FGF17: variants seen among roughly 807,000 people sequenced by gnomAD.
FGF17 encodes the protein fibroblast growth factor 17.
In FGF17, 5 loss-of-function variants were observed where a neutral mutation model predicts 23.5. The ratio of observed to expected loss-of-function variants is 0.21; its 90% CI spans 0.11 to 0.45. The LOEUF (loss-of-function observed/expected upper bound fraction) is 0.45. FGF17 is among the 20% of genes least tolerant of loss of function. FGF17 has a pLI of 0.99. For synonymous variants in FGF17, 136 were observed against 123.0 expected (o/e 1.11, Z -0.70); for missense variants, 221 against 306.9 (o/e 0.72, Z 2.09).
At chr8:22,042,449 G>C (rs1800753616), upstream of FGF17, 1 of 186,456 alleles carries the variant, frequency 5.4e-6, no homozygotes, top group Non-Finnish European at 1.1e-5. Context: ...TGGGGAGGTG[G>C]GGCGCCAGAC....
chr8:22,046,851 G>A (rs1328006159), intron 4 of FGF17, among the ~76,000 whole-genome samples: 2 of 152,094 alleles, frequency 1.3e-5, no homozygotes, highest in African/African-American at 4.8e-5. Context: ...CACAATCATA[G>A]CCCACTGCAG....
At chr8:22,044,369 C>T (rs1285307466) in intron 2 of FGF17, among the ~76,000 whole-genome samples, 1 of 152,038 alleles carries the variant, frequency 6.6e-6, no homozygotes, top group African/African-American at 2.4e-5. Context: ...GAGGTCCTCC[C>T]GCAGCGGGAA....
chr8:22,044,167 A>G (rs1800803483), intron 2 of FGF17, among the ~76,000 whole-genome samples: 1 of 152,020 alleles, frequency 6.6e-6, no homozygotes, highest in Admixed American at 6.5e-5. Flanking sequence ...GAGGGGAACT[A>G]GCACAATGGT....
At chr8:22,047,288 G>T (rs1439908843) in intron 4 of FGF17, among the ~76,000 whole-genome samples, 2 of 152,104 alleles carry the variant, frequency 1.3e-5, no homozygotes, top group Non-Finnish European at 2.9e-5. Flanking sequence ...ATGTAAGACA[G>T]GAACTCCCCC....
intron 4 of FGF17, among the ~76,000 whole-genome samples, chr8:22,047,601 C>T (rs1417088231): frequency 6.6e-6 from 1 of 152,224 alleles, no homozygotes; most frequent in Admixed American, 6.5e-5. Flanking sequence ...TGCCTCCTCT[C>T]CCATGCCCAG....
intron 2 of FGF17, chr8:22,044,628 G>A: frequency 3.1e-6 from 3 of 967,338 alleles, no homozygotes; most frequent in Non-Finnish European, 3.7e-6. Flanking sequence ...CTGGAAGGGA[G>A]GCCAGCGTGG....
intron 1 of FGF17, 64 bp downstream of exon 1, chr8:22,043,027 C>T (rs1800767119): frequency 6.2e-7 from 1 of 1,602,584 alleles, no homozygotes; most frequent in Non-Finnish European, 8.5e-7. Flanking sequence ...CAGCCCTCCT[C>T]TTCCCGGGAC....
At chr8:22,041,637 G>A (rs1272677572), upstream of FGF17, among the ~76,000 whole-genome samples, 1 of 152,164 alleles carries the variant, frequency 6.6e-6, no homozygotes, top group Admixed American at 6.5e-5. Flanking sequence ...GAAAACCCAG[G>A]AAGGCTTCTG....
chr8:22,044,400 T>C (rs1459536439), intron 2 of FGF17, among the ~76,000 whole-genome samples: 2 of 149,164 alleles, frequency 1.3e-5, no homozygotes, highest in East Asian at 2.0e-4. Context: ...ACAGGCTAGG[T>C]CCCGCGGGGA....
At position 22,048,553 on chromosome 8, in the gene FGF17, A is replaced by G; in HGVS notation, c.*304A>G. On this transcript the variant is annotated 3_prime_UTR_variant, in exon 5 of 5. Coordinates refer to ENST00000359441, the MANE Select transcript of FGF17 (RefSeq NM_003867.4). The surrounding 1 kb of genome is among the most constrained non-coding windows in gnomAD (Gnocchi z 6.9). ...CCTGAAGCCCGCTGAAAGGTCAGCG[A>G]CTGAAGGCCTTGCAGACAACCGTCT... 1 of 436,066 alleles carries G rather than the reference A, an allele frequency of 2.3e-6. No homozygotes were observed. 27.0% of individuals were successfully genotyped at this position (436,066 alleles called of 1,614,324 possible). A position where few individuals can be genotyped will look rare whatever the true frequency, so the allele number is the denominator to read the frequency against.
In FGF17 at chr8:22,048,705, GGAGA is replaced by G. The variant is rs1246338330; in HGVS notation, c.*462_*465del. Reference sequence around the variant, plus strand: ...TTGTTTGTTTCAGGAAAAAAGAAAGGGAGAGAGAGGAAAATAGAGGGTTGTCCAC... The same window carrying G: ...TTGTTTGTTTCAGGAAAAAAGAAAGGGAGAGGAAAATAGAGGGTTGTCCAC... On this transcript the variant is annotated 3_prime_UTR_variant, in exon 5 of 5. Transcript: ENST00000359441. This position sits in a 1 kb window ranked among gnomAD's most constrained non-coding sequence, Gnocchi z 6.9. 13 of 173,452 alleles carry G rather than the reference GGAGA, an allele frequency of 7.5e-5. No individual in the cohort carries two copies. Among genetic ancestry groups the G allele is most frequent in the Non-Finnish European group, 1.2e-5 (1 of 82,210 alleles). 10.7% of individuals were successfully genotyped at this position (173,452 alleles called of 1,614,324 possible). A position where few individuals can be genotyped will look rare whatever the true frequency, so the allele number is the denominator to read the frequency against.
chr8:22,047,875 CGTCCAAAATAG>C (rs1554528442), intron 4 of FGF17, 70 bp from the exon 5 acceptor site: 2 of 1,408,684 alleles, frequency 1.4e-6, no homozygotes, highest in Non-Finnish European at 1.9e-6. Flanking sequence ...CCTCCTCAGT[CGTCCAAAATAG>C]GCCGTAAGGG....
In FGF17 at chr8:22,043,620, G is replaced by A. The variant is rs917807665; in HGVS notation, c.72+439G>A. Among the ~76,000 whole-genome samples, 6 of 152,096 alleles carry A rather than the reference G, an allele frequency of 3.9e-5. 1 individual carries two copies. The highest frequency in any genetic ancestry group is 3.9e-4 in the Admixed American group (6 of 15,280). On this transcript the variant is annotated intron_variant, in intron 2 of 4. Coordinates refer to ENST00000359441, the MANE Select transcript of FGF17 (RefSeq NM_003867.4). ...TATGGATGCCTGGGGTGGGGGTCTC[G>A]TGAGCATGTCCAGAATGCCTGGCCA...
chr8:22,040,908 A>G (rs1800727032), upstream of FGF17, among the ~76,000 whole-genome samples: 3 of 152,114 alleles, frequency 2.0e-5, no homozygotes, highest in African/African-American at 7.2e-5. Flanking sequence ...TGTAACCCAG[A>G]CTGCAGATGA....
rs2129650026 is a variant in FGF17 at position 22,042,978 on chromosome 8, T to A, written c.35+15T>A. On this transcript the variant is annotated intron_variant, in intron 1 of 4. Coordinates refer to ENST00000359441, the MANE Select transcript of FGF17 (RefSeq NM_003867.4). Reference sequence around the variant, plus strand: ...AACCTCACTCTGTAAGTGTGCTACCTCTCCCACTGGAGTTTCGTTGCCATT... The same window carrying A: ...AACCTCACTCTGTAAGTGTGCTACCACTCCCACTGGAGTTTCGTTGCCATT... 5 of 1,612,354 alleles carry A rather than the reference T, an allele frequency of 3.1e-6. No individual in the cohort carries two copies. Among genetic ancestry groups the A allele is most frequent in the Middle Eastern group, 1.7e-4 (1 of 6,056 alleles).
chr8:22,043,075 CG>C, intron 1 of FGF17, 69 bp from the exon 2 acceptor site: 1 of 1,596,904 alleles, frequency 6.3e-7, no homozygotes, highest in South Asian at 1.1e-5. Flanking sequence ...AGGGCGGGGG[CG>C]GGGGCCTGGG....
chr8:22,048,128 G>T lies in FGF17; in HGVS notation c.530G>T (p.Arg177Leu), dbSNP rs398123025. The T allele has an allele frequency of 6.2e-7, 1 of 1,613,442 alleles. No homozygotes were observed. The highest frequency in any genetic ancestry group is 1.7e-5 in the Admixed American group (1 of 60,004). Residue 177 changes from arginine to leucine, a missense_variant, in exon 5 of 5, where the codon CGC becomes CTC. Around this residue, in one of 3 missense-constraint regions of FGF17, gnomAD observed 128 missense variants for 150.4 expected, o/e 0.85. Coordinates refer to ENST00000359441, the MANE Select transcript of FGF17 (RefSeq NM_003867.4). The surrounding 1 kb of genome is among the most constrained non-coding windows in gnomAD (Gnocchi z 6.9). Reference protein sequence around the residue: ...QNQREAHFIKRLYQGQLPFPN... With the variant: ...QNQREAHFIKLLYQGQLPFPN... The stretch of plus-strand genomic sequence containing the variant: ...CAGCGCGAGGCCCACTTCATCAAGC[G>T]CCTCTACCAAGGCCAGCTGCCCTTC...
intron 2 of FGF17, chr8:22,045,032 C>T: frequency 2.0e-6 from 2 of 985,598 alleles, no homozygotes; most frequent in Non-Finnish European, 2.4e-6. Context: ...CATTCTCATG[C>T]TAGAGCTGAG....
chr8:22,045,240 G>A (rs376011614), intron 2 of FGF17: 28 of 985,610 alleles, frequency 2.8e-5, no homozygotes, highest in East Asian at 1.1e-4. Context: ...GCAGGTGGGC[G>A]GGCGCATCCC....
Sources: allele counts gnomAD v4.1 joint callset (sites outside exome capture counted in the v4.1 genomes callset), GRCh38; gene constraint gnomAD v4.1.1; regional missense constraint gnomAD v4.1.1; non-coding constraint Gnocchi (gnomAD v3.1); transcripts MANE v1.5; gene names NCBI Gene and HGNC (gene_info 2026-07-23, HGNC 2026-07-21).